Variants in HOMER1 observed in about 807,000 individuals in gnomAD.
The protein encoded by HOMER1 is homer scaffold protein 1.
In HOMER1, 3 loss-of-function variants were observed where a neutral mutation model predicts 48.9. That is an observed-to-expected ratio of 0.06 (90% CI 0.03 to 0.16). The LOEUF (loss-of-function observed/expected upper bound fraction) is 0.16, where lower values mean the gene tolerates loss of function less well. Ranked by LOEUF, HOMER1 falls within the 10% of genes least tolerant of loss-of-function variation. The pLI is 1.00. For missense variants in HOMER1, 247 were observed against 411.4 expected (o/e 0.60, Z 3.46); for synonymous variants, 134 against 146.4 (o/e 0.92, Z 0.61).
At chr5:79,433,699 A>T (rs1323712340) in intron 5 of HOMER1, among the ~76,000 whole-genome samples, 1 of 152,228 alleles carries the variant, frequency 6.6e-6, no homozygotes, top group East Asian at 1.9e-4. Flanking sequence ...TTAAAATGCT[A>T]TGTAAAATTT....
rs553673067 is a variant in HOMER1 at position 79,501,505 on chromosome 5, C to T, written c.5+11265G>A. 3.3e-5 allele frequency among the ~76,000 whole-genome samples: 5 copies of T among 152,286 alleles called. No individual in the cohort carries two copies. In the East Asian group the frequency reaches 9.6e-4, roughly 29 times the overall value. ...ATGTTCAAGGGACAATTGTATAATG[C>T]ATTATGCGAGACTTACTTACACTAA... On this transcript the variant is annotated intron_variant, in intron 1 of 8. Transcript: ENST00000334082.
At chr5:79,449,695 G>A (rs377075856) in intron 3 of HOMER1, among the ~76,000 whole-genome samples, 7 of 152,082 alleles carry the variant, frequency 4.6e-5, no homozygotes, top group East Asian at 3.9e-4. Flanking sequence ...GGCCGGTCTT[G>A]AACTCCTGGC....
At chr5:79,380,943 A>G (rs1354387791) in intron 8 of HOMER1, among the ~76,000 whole-genome samples, 1 of 151,888 alleles carries the variant, frequency 6.6e-6, no homozygotes, top group African/African-American at 2.4e-5. Flanking sequence ...TTGTCCCACC[A>G]CTGCCATCGT....
chr5:79,414,022 T>C (rs554343683), intron 5 of HOMER1, among the ~76,000 whole-genome samples: 1 of 152,306 alleles, frequency 6.6e-6, no homozygotes, highest in East Asian at 1.9e-4. Context: ...AGTCATTAAC[T>C]TACTAAACAC....
rs1216886585 is a variant in HOMER1 at position 79,408,284 on chromosome 5, G to T, written c.528-6229C>A. On this transcript the variant is annotated intron_variant, in intron 5 of 8. Transcript: ENST00000334082. Reference sequence around the variant, plus strand: ...TTGAAAGAAAACAATCCTCATCCTAGAATTCTACACATAGGAAAAATATCT... The same window carrying T: ...TTGAAAGAAAACAATCCTCATCCTATAATTCTACACATAGGAAAAATATCT... Among the ~76,000 whole-genome samples the T allele has an allele frequency of 2.0e-5, 3 of 152,208 alleles. No individual in the cohort carries two copies. In the East Asian group the frequency reaches 5.8e-4, roughly 29 times the overall value.
intron 5 of HOMER1, among the ~76,000 whole-genome samples, chr5:79,430,098 C>A (rs1407299384): frequency 6.7e-6 from 1 of 150,286 alleles, no homozygotes; most frequent in Non-Finnish European, 1.5e-5. Flanking sequence ...ACTAATAGAA[C>A]TGAAGAAAAT....
At chr5:79,473,440 C>CTAAA (rs1364454925) in intron 1 of HOMER1, among the ~76,000 whole-genome samples, 1 of 152,158 alleles carries the variant, frequency 6.6e-6, no homozygotes, top group East Asian at 1.9e-4. Flanking sequence ...CACCCTTGTA[C>CTAAA]TAAAGACTTT....
chr5:79,374,966 G>C lies in HOMER1; in HGVS notation c.*1043C>G, dbSNP rs1325444935. ...ATCTGCCACGATCACAATTTAGATA[G>C]AGTCCTCTGATCAGCTGTTTGATGT... On this transcript the variant is annotated 3_prime_UTR_variant, in exon 9 of 9. Coordinates refer to ENST00000334082, the MANE Select transcript of HOMER1 (RefSeq NM_004272.5). 2 of 151,972 alleles carry C rather than the reference G, an allele frequency of 1.3e-5. No individual in the cohort carries two copies. The highest frequency in any genetic ancestry group is 2.9e-5 in the Non-Finnish European group (2 of 67,920). The allele number at this position is 151,972 out of a possible 1,614,324, so 9.4% of individuals were successfully genotyped here.
intron 1 of HOMER1, among the ~76,000 whole-genome samples, chr5:79,471,715 A>C (rs1751626730): frequency 1.3e-5 from 2 of 152,232 alleles, no homozygotes; most frequent in Non-Finnish European, 2.9e-5. Flanking sequence ...ATGTGCAGCC[A>C]GGAGGGAGAG....
intron 1 of HOMER1, chr5:79,510,646 T>A (rs963234212): frequency 1.1e-6 from 1 of 917,600 alleles, no homozygotes; most frequent in Admixed American, 1.7e-5. Context: ...ATGCCAAGGC[T>A]ATCAAGGCCC....
At chr5:79,487,822 T>C (rs998345162) in intron 1 of HOMER1, among the ~76,000 whole-genome samples, 1 of 152,204 alleles carries the variant, frequency 6.6e-6, no homozygotes, top group Non-Finnish European at 1.5e-5. Flanking sequence ...TGAAGATGTG[T>C]TAAGAGTCCT....
chr5:79,419,884 AT>A, intron 5 of HOMER1, among the ~76,000 whole-genome samples: 1 of 152,070 alleles, frequency 6.6e-6, no homozygotes, highest in Admixed American at 6.5e-5. Context: ...CTTCCTTAAA[AT>A]TTTTAGCAAC....
At chr5:79,460,746 T>A (rs1376172876) in intron 1 of HOMER1, among the ~76,000 whole-genome samples, 2 of 152,124 alleles carry the variant, frequency 1.3e-5, no homozygotes, top group Non-Finnish European at 2.9e-5. Context: ...GTGGGTAGCA[T>A]CCAGGAACGC....
chr5:79,378,341 T>C (rs1244949218), intron 8 of HOMER1, among the ~76,000 whole-genome samples: 2 of 150,960 alleles, frequency 1.3e-5, no homozygotes, highest in Middle Eastern at 3.2e-3. Context: ...TGCAAGAGCC[T>C]GGGAAAATAT....
chr5:79,418,171 G>GTAAA (rs1455819379), intron 5 of HOMER1, among the ~76,000 whole-genome samples: 3 of 152,198 alleles, frequency 2.0e-5, no homozygotes, highest in African/African-American at 7.2e-5. Context: ...TATAAGCTAT[G>GTAAA]TAAATAATAT....
chr5:79,490,697 C>G (rs1195082759), intron 1 of HOMER1, among the ~76,000 whole-genome samples: 1 of 149,272 alleles, frequency 6.7e-6, no homozygotes, highest in Non-Finnish European at 1.5e-5. Flanking sequence ...TTTGGAAAGC[C>G]AAGGTGGAGG....
intron 1 of HOMER1, among the ~76,000 whole-genome samples, chr5:79,503,615 T>C (rs1580046070): frequency 6.7e-6 from 1 of 148,904 alleles, no homozygotes; most frequent in African/African-American, 2.5e-5. Flanking sequence ...CTGAGGCAGG[T>C]GGTTCACCCG....
At chr5:79,388,286 T>C (rs766397369) in intron 8 of HOMER1, among the ~76,000 whole-genome samples, 1 of 151,938 alleles carries the variant, frequency 6.6e-6, no homozygotes, top group East Asian at 1.9e-4. Flanking sequence ...GAAAGGAAAA[T>C]TTAAGACCAA....
At chr5:79,385,310 G>C (rs1171052799) in intron 8 of HOMER1, among the ~76,000 whole-genome samples, 1 of 152,070 alleles carries the variant, frequency 6.6e-6, no homozygotes, top group African/African-American at 2.4e-5. Context: ...ACAACAAAGA[G>C]ACAACCTGTT....
Sources: gnomAD v4.1 joint callset for allele counts (sites outside exome capture counted in the v4.1 genomes callset) on GRCh38, gnomAD v4.1.1 for gene constraint, MANE v1.5 for transcripts, NCBI Gene and HGNC (gene_info 2026-07-23, HGNC 2026-07-21) for gene names.